Variants in NSMAF observed in about 807,000 individuals in gnomAD.
NSMAF encodes the protein neutral sphingomyelinase activation associated factor.
In NSMAF, 90 loss-of-function variants were observed where a neutral mutation model predicts 134.9. The ratio of observed to expected loss-of-function variants is 0.67; its 90% confidence interval spans 0.56 to 0.79. The LOEUF (loss-of-function observed/expected upper bound fraction) is 0.79. NSMAF is among the 30% of genes least tolerant of loss of function. The pLI is 0.00. For synonymous variants in NSMAF, 358 were observed against 389.6 expected (o/e 0.92, Z 0.96); for missense variants, 1,010 against 1,119.0 (o/e 0.90, Z 1.39).
intron 23 of NSMAF, among the ~76,000 whole-genome samples, chr8:58,591,315 C>A (rs1005269645): frequency 2.0e-5 from 3 of 151,954 alleles, no homozygotes; most frequent in African/African-American, 7.3e-5. Flanking sequence ...ACAAAAAGAT[C>A]TTGGCAATAT....
At position 58,605,977 on chromosome 8, in the gene NSMAF, T is replaced by C. The variant is rs369364012; in HGVS notation, c.818A>G (p.Tyr273Cys). 1.2e-5 allele frequency: 20 copies of C among 1,600,700 alleles called. No individual in the cohort carries two copies. Among genetic ancestry groups the C allele is most frequent in the African/African-American group, 1.1e-4 (8 of 74,272 alleles). Residue 273 changes from tyrosine to cysteine, a missense_variant, in exon 12 of 31, where the codon TAT becomes TGT. Physicochemically the swap from Tyr to Cys is radical, Grantham distance 194 (BLOSUM62 -2). Transcript: ENST00000038176. ...DLCSDIYLKF[Y>C]EPQDRDDLYF... ...GAGATCATCTCTATCTTGAGGTTCATAGAACTTTAGGTAGATGTCGGAACA... is the reference window on the plus strand; with the variant it reads ...GAGATCATCTCTATCTTGAGGTTCACAGAACTTTAGGTAGATGTCGGAACA...
rs142123842 is a variant in NSMAF, at chr8:58,616,582, G to T, written c.557+6638C>A. ...ATTGAAAAAACTCTCAGTAAACTAG[G>T]AACAGAAAGGAATATTTTCATTCTG... On this transcript the variant is annotated intron_variant, in intron 9 of 30. Coordinates refer to ENST00000038176, the MANE Select transcript of NSMAF (RefSeq NM_003580.4). 1.3e-3 allele frequency among the ~76,000 whole-genome samples: 203 copies of T among 152,122 alleles called. 1 individual carries two copies. Among genetic ancestry groups the T allele is most frequent in the African/African-American group, 4.6e-3 (192 of 41,490 alleles).
intron 6 of NSMAF, among the ~76,000 whole-genome samples, chr8:58,630,645 C>T (rs1043856114): frequency 6.6e-6 from 1 of 152,148 alleles, no homozygotes; most frequent in Admixed American, 6.5e-5. Flanking sequence ...CAGCCCCACA[C>T]AATAAAGAAC....
intron 21 of NSMAF, among the ~76,000 whole-genome samples, chr8:58,596,206 G>A (rs1422692277): frequency 6.6e-6 from 1 of 152,186 alleles, no homozygotes; most frequent in African/African-American, 2.4e-5. Flanking sequence ...AGATAATCCT[G>A]TGATCTTCAT....
chr8:58,611,650 A>G (rs1317140937), intron 9 of NSMAF, among the ~76,000 whole-genome samples: 1 of 152,316 alleles, frequency 6.6e-6, no homozygotes, highest in East Asian at 1.9e-4. Context: ...TAACTAAACA[A>G]TCTTAACAAC....
intron 13 of NSMAF, among the ~76,000 whole-genome samples, chr8:58,602,355 AT>A: frequency 6.6e-6 from 1 of 152,308 alleles, no homozygotes; most frequent in East Asian, 1.9e-4. Flanking sequence ...AATATCTCTA[AT>A]TTGACAATGC....
Position 58,638,101 on chromosome 8 carries a change from G to T in NSMAF, c.150-2555C>A, listed in dbSNP as rs918522489. Among the ~76,000 whole-genome samples, 43 of 152,154 alleles carry T rather than the reference G, an allele frequency of 2.8e-4. 1 individual carries two copies. The highest frequency in any genetic ancestry group is 2.9e-5 in the Non-Finnish European group (2 of 68,028). The stretch of plus-strand genomic sequence containing the variant: ...ATCTCACTATGTCACCCAGGCTAGA[G>T]TTCAGTAGCATGATTATAGCTCACT... On this transcript the variant is annotated intron_variant, in intron 2 of 30. Coordinates refer to ENST00000038176, the MANE Select transcript of NSMAF (RefSeq NM_003580.4).
intron 29 of NSMAF, 51 bp from the exon 30 acceptor site, chr8:58,585,812 T>A (rs960636432): frequency 1.1e-5 from 18 of 1,589,344 alleles, no homozygotes; most frequent in Non-Finnish European, 1.3e-5. Context: ...AGGAAGGATA[T>A]GTTGAACTGG....
chr8:58,641,713 T>C (rs1807342912), intron 2 of NSMAF, among the ~76,000 whole-genome samples: 1 of 152,226 alleles, frequency 6.6e-6, no homozygotes, highest in Non-Finnish European at 1.5e-5. Context: ...ACCTTGTGCA[T>C]ATGTCCATTT....
chr8:58,655,912 A>AAAAATAATAAAAAAT (rs1230931179), intron 1 of NSMAF, among the ~76,000 whole-genome samples: 3 of 152,104 alleles, frequency 2.0e-5, no homozygotes, highest in East Asian at 3.9e-4. Flanking sequence ...CTCAATAAAA[A>AAAAATAATAAAAAAT]AAAACAATAA....
At chr8:58,605,879 C>T in intron 12 of NSMAF, 48 bp downstream of exon 12, 1 of 1,382,016 alleles carries the variant, frequency 7.2e-7, no homozygotes, top group East Asian at 2.7e-5. Context: ...GACTCAGCCT[C>T]CAAAAAAAAA....
intron 6 of NSMAF, among the ~76,000 whole-genome samples, chr8:58,631,084 T>C (rs1371189450): frequency 6.6e-6 from 1 of 152,232 alleles, no homozygotes; most frequent in Non-Finnish European, 1.5e-5. Context: ...TCTACCTAAT[T>C]AAGAGTACTT....
At chr8:58,620,582 G>C (rs1806763880) in intron 9 of NSMAF, among the ~76,000 whole-genome samples, 1 of 152,016 alleles carries the variant, frequency 6.6e-6, no homozygotes, top group Non-Finnish European at 1.5e-5. Context: ...AATAATCCAG[G>C]GAATTTTAAG....
intron 23 of NSMAF, among the ~76,000 whole-genome samples, chr8:58,592,919 A>C (rs117607963): frequency 0.25 from 37,526 of 150,880 alleles, 5,223 homozygotes; most frequent in Non-Finnish European, 0.31. Flanking sequence ...AACAACAACA[A>C]AAAAAAAACC....
intron 8 of NSMAF, 40 bp from the exon 9 acceptor site, chr8:58,623,312 T>G (rs1325228503): frequency 6.7e-7 from 1 of 1,492,218 alleles, no homozygotes; most frequent in Admixed American, 1.7e-5. Context: ...TTATAAGTAT[T>G]TATAAGTAAA....
chr8:58,585,948 A>G lies in NSMAF; in HGVS notation c.2499T>C (p.Asp833=). 6.2e-7 allele frequency: 1 copy of G among 1,614,104 alleles called. No homozygotes were observed. Among genetic ancestry groups the G allele is most frequent in the Non-Finnish European group, 8.5e-7 (1 of 1,180,016 alleles). The change falls in exon 29 of 31, where the codon GAT becomes GAC. Residue 833 remains aspartate (D), a synonymous_variant. Coordinates refer to ENST00000038176, the MANE Select transcript of NSMAF (RefSeq NM_003580.4). ...AGGAGATGAGCATTCCTGTCTGCACATCAATGACATTAAGACAGCCATCTG... is the reference window on the plus strand; with the variant it reads ...AGGAGATGAGCATTCCTGTCTGCACGTCAATGACATTAAGACAGCCATCTG... ...TGTDGCLNVI[D]VQTGMLISSM...
intron 2 of NSMAF, among the ~76,000 whole-genome samples, chr8:58,636,984 T>C (rs1354713752): frequency 2.6e-5 from 4 of 151,914 alleles, no homozygotes; most frequent in Non-Finnish European, 5.9e-5. Flanking sequence ...AGTTGTTGTC[T>C]TCCTATCCTT....
intron 2 of NSMAF, among the ~76,000 whole-genome samples, chr8:58,640,456 T>C (rs1396557886): frequency 6.6e-6 from 1 of 152,150 alleles, no homozygotes; most frequent in East Asian, 1.9e-4. Flanking sequence ...ACTTATTAAA[T>C]TGTTTTATCC....
chr8:58,631,626 T>G (rs1807060313), intron 5 of NSMAF, 80 bp from the exon 6 acceptor site: 4 of 770,340 alleles, frequency 5.2e-6, no homozygotes, highest in Non-Finnish European at 8.2e-6. Flanking sequence ...CAGAACATTA[T>G]CAATCAAAAG....
Sources: gnomAD v4.1 joint callset for allele counts (sites outside exome capture counted in the v4.1 genomes callset) on GRCh38, gnomAD v4.1.1 for gene constraint, MANE v1.5 for transcripts, NCBI Gene and HGNC (gene_info 2026-07-23, HGNC 2026-07-21) for gene names.